CPQ: variants seen among roughly 807,000 people sequenced by gnomAD.
The protein encoded by CPQ is carboxypeptidase Q, also known as Ser-Met dipeptidase.
A neutral mutation model predicts 45.7 loss-of-function variants in CPQ; 37 were observed. The ratio of observed to expected loss-of-function variants is 0.81; its 90% confidence interval spans 0.62 to 1.07. CPQ has a LOEUF of 1.07. Among genes scored for constraint, CPQ ranks in the 50% least tolerant of loss-of-function variants. CPQ has a pLI of 0.00. For missense variants in CPQ, 537 were observed against 572.9 expected (o/e 0.94, Z 0.64); for synonymous variants, 186 against 205.8 (o/e 0.90, Z 0.82).
In CPQ at chr8:97,143,012, A is replaced by G. The variant is rs1812193232; in HGVS notation, c.1256-8A>G. ...CTCCACTAAGAATTCTTCCTCTTTT[A>G]TCCCCAGGAGCCAGTCTACTTGATG... On this transcript the variant is annotated splice_region_variant and splice_polypyrimidine_tract_variant and intron_variant, in intron 7 of 7. Coordinates refer to ENST00000220763, the MANE Select transcript of CPQ (RefSeq NM_016134.4). 2 of 1,613,070 alleles carry G rather than the reference A, an allele frequency of 1.2e-6. No individual in the cohort carries two copies. Among genetic ancestry groups the G allele is most frequent in the South Asian group, 1.1e-5 (1 of 90,950 alleles).
At chr8:96,753,146 C>G (rs934833239) in intron 1 of CPQ, among the ~76,000 whole-genome samples, 1 of 151,962 alleles carries the variant, frequency 6.6e-6, no homozygotes, top group Non-Finnish European at 1.5e-5. Flanking sequence ...TTACACAAAC[C>G]GTTTATAGAG....
intron 7 of CPQ, among the ~76,000 whole-genome samples, chr8:97,087,802 G>A (rs868288285): frequency 1.3e-5 from 2 of 152,078 alleles, no homozygotes; most frequent in Non-Finnish European, 2.9e-5. Context: ...TTGCTAACAT[G>A]GAATATTTTA....
rs539381329 is a variant in CPQ, at chr8:96,696,815, T to G, written c.-35+51413T>G. Among the ~76,000 whole-genome samples, 8 of 152,204 alleles carry G rather than the reference T, an allele frequency of 5.3e-5. No homozygotes were observed. The East Asian group carries it at 1.5e-3, about 29-fold the overall frequency. On this transcript the variant is annotated intron_variant, in intron 1 of 7. Transcript: ENST00000220763. ...TACAAACAACCACAAGATTGAACTA[T>G]GGAGGAATCCAAAACTTAATCAGAT... is the stretch of plus-strand genomic sequence containing the variant.
chr8:96,999,456 A>G (rs112110321), intron 5 of CPQ, among the ~76,000 whole-genome samples: 1,616 of 151,816 alleles, frequency 0.011, 24 homozygotes, highest in African/African-American at 0.037. Context: ...TGTTCTCATC[A>G]TTTAGCTCCC....
At chr8:96,951,540 GT>G (rs1358111148) in intron 4 of CPQ, among the ~76,000 whole-genome samples, 1 of 152,050 alleles carries the variant, frequency 6.6e-6, no homozygotes, top group East Asian at 1.9e-4. Context: ...TTTTAGAGAG[GT>G]TTTGTATATG....
intron 1 of CPQ, among the ~76,000 whole-genome samples, chr8:96,694,726 A>G (rs1041288388): frequency 1.3e-5 from 2 of 152,192 alleles, no homozygotes; most frequent in Non-Finnish European, 2.9e-5. Context: ...GCAAATAATA[A>G]TGGAAACACA....
intron 7 of CPQ, among the ~76,000 whole-genome samples, chr8:97,119,328 CA>C (rs34998181): frequency 6.8e-3 from 493 of 72,332 alleles, no homozygotes; most frequent in Non-Finnish European, 0.011. Context: ...GACTCCATCT[CA>C]AAAAAAAAAA....
intron 4 of CPQ, among the ~76,000 whole-genome samples, chr8:96,887,961 T>C (rs1812324979): frequency 6.6e-6 from 1 of 152,214 alleles, no homozygotes; most frequent in Non-Finnish European, 1.5e-5. Context: ...GTGGGGAACA[T>C]TGAAATGAAA....
At chr8:96,934,134 A>G (rs936450906) in intron 4 of CPQ, among the ~76,000 whole-genome samples, 1 of 152,180 alleles carries the variant, frequency 6.6e-6, no homozygotes, top group African/African-American at 2.4e-5. Flanking sequence ...TTCTCATCTG[A>G]CTATCACTGA....
intron 4 of CPQ, among the ~76,000 whole-genome samples, chr8:96,931,173 C>T (rs1183060398): frequency 6.6e-6 from 1 of 152,208 alleles, no homozygotes; most frequent in Non-Finnish European, 1.5e-5. Flanking sequence ...CCTCCACTTA[C>T]AGAGTATCCT....
intron 4 of CPQ, among the ~76,000 whole-genome samples, chr8:96,919,166 T>C (rs1380130684): frequency 6.6e-6 from 1 of 152,034 alleles, no homozygotes; most frequent in Non-Finnish European, 1.5e-5. Context: ...GAGAGGTGAT[T>C]GTGGAAAGAA....
intron 5 of CPQ, among the ~76,000 whole-genome samples, chr8:97,026,838 C>G (rs1050215851): frequency 1.3e-5 from 2 of 152,232 alleles, no homozygotes; most frequent in African/African-American, 4.8e-5. Flanking sequence ...GTAAAGGAGA[C>G]TAACCCTGTA....
At chr8:96,656,093 A>G (rs1815634400) in intron 1 of CPQ, among the ~76,000 whole-genome samples, 1 of 152,126 alleles carries the variant, frequency 6.6e-6, no homozygotes, top group African/African-American at 2.4e-5. Context: ...GGCTCAAGTG[A>G]TCTACTTACC....
chr8:96,767,635 CTTTTTTT>C (rs1172189500), intron 1 of CPQ, among the ~76,000 whole-genome samples: 11 of 39,278 alleles, frequency 2.8e-4, no homozygotes, highest in Admixed American at 1.6e-3. Context: ...GTTACCTATG[CTTTTTTT>C]TTTTTTTTTT....
At chr8:97,130,412 C>T (rs533511794) in intron 7 of CPQ, among the ~76,000 whole-genome samples, 12 of 139,908 alleles carry the variant, frequency 8.6e-5, no homozygotes, top group Non-Finnish European at 1.8e-4. Flanking sequence ...CCTCTATCAT[C>T]GTCAGCTGTT....
rs1388107054 is a variant in CPQ, at chr8:97,143,352, T to C, written c.*169T>C. ...TGATACTTTCCAAATTCTCTGATTC[T>C]AGAAAAAGGAATCATTCTCCCCTCC... On this transcript the variant is annotated 3_prime_UTR_variant, in exon 8 of 8. Transcript: ENST00000220763. 5 of 642,406 alleles carry C rather than the reference T, an allele frequency of 7.8e-6. No individual in the cohort carries two copies. In the East Asian group the frequency reaches 1.5e-4, roughly 19 times the overall value. The allele number at this position is 642,406 out of a possible 1,614,324, so 39.8% of individuals were successfully genotyped here. A position where few individuals can be genotyped will look rare whatever the true frequency, so the allele number is the denominator to read the frequency against.
intron 1 of CPQ, chr8:96,659,374 T>G (rs1373717754): frequency 6.6e-6 from 1 of 152,174 alleles, no homozygotes; most frequent in African/African-American, 2.4e-5. Flanking sequence ...TCTCCAGATT[T>G]TAGGGTGGTA....
At chr8:96,858,908 G>A (rs1366383353) in intron 3 of CPQ, among the ~76,000 whole-genome samples, 1 of 152,168 alleles carries the variant, frequency 6.6e-6, no homozygotes, top group African/African-American at 2.4e-5. Flanking sequence ...GTGTGTGTAT[G>A]TGTGTTTGTG....
rs1812812836 is a variant in CPQ, at chr8:96,921,906, A to G, written c.849+41901A>G. 3.9e-5 allele frequency among the ~76,000 whole-genome samples: 6 copies of G among 152,160 alleles called. No individual in the cohort carries two copies. The South Asian group carries it at 1.0e-3, about 26-fold the overall frequency. On this transcript the variant is annotated intron_variant, in intron 4 of 7. Coordinates refer to ENST00000220763, the MANE Select transcript of CPQ (RefSeq NM_016134.4). ...AAGTATCTTGGAGGAGAAAGTGAAT[A>G]GATGAGGTGGGGGGACATTTGAGTA...
Sources: allele counts gnomAD v4.1 joint callset (sites outside exome capture counted in the v4.1 genomes callset), GRCh38; gene constraint gnomAD v4.1.1; transcripts MANE v1.5; gene names NCBI Gene and HGNC (gene_info 2026-07-23, HGNC 2026-07-21).